NOL4: variants seen among roughly 807,000 people sequenced by gnomAD.
The protein encoded by NOL4 is nucleolar protein 4, also known as cancer/testis antigen 125.
Under a neutral mutation model 75.9 loss-of-function variants are expected in NOL4, and 17 were observed. The ratio of observed to expected loss-of-function variants is 0.22; its 90% CI spans 0.15 to 0.34. The LOEUF is 0.34. Among genes scored for constraint, NOL4 ranks in the 10% least tolerant of loss-of-function variants. The pLI is 1.00. For missense variants in NOL4, 614 were observed against 793.5 expected (o/e 0.77, Z 2.72); for synonymous variants, 292 against 289.9 (o/e 1.01, Z -0.07).
At chr18:34,145,552 T>G (rs1343865892) in intron 1 of NOL4, among the ~76,000 whole-genome samples, 2 of 151,818 alleles carry the variant, frequency 1.3e-5, no homozygotes, top group Non-Finnish European at 2.9e-5. Flanking sequence ...AATAATCTAA[T>G]TTTCACAAAT....
At position 33,986,657 on chromosome 18, in the gene NOL4, G is replaced by A. The variant is rs11877377; in HGVS notation, c.1057-28239C>T. 2.1e-3 allele frequency among the ~76,000 whole-genome samples: 325 copies of A among 152,228 alleles called. 5 individuals are homozygous for A. The highest frequency in any genetic ancestry group is 7.3e-3 in the African/African-American group (304 of 41,550). On this transcript the variant is annotated intron_variant, in intron 6 of 10. Transcript: ENST00000261592. ...TCGGGGGACTACTGTAGAGTCACTGGAAAGAATTACCTGCCAGAATGCAAA... is the reference window on the plus strand; with the variant it reads ...TCGGGGGACTACTGTAGAGTCACTGAAAAGAATTACCTGCCAGAATGCAAA...
chr18:33,963,885 G>A (rs867137558), intron 6 of NOL4, among the ~76,000 whole-genome samples: 2 of 152,152 alleles, frequency 1.3e-5, no homozygotes, highest in African/African-American at 4.8e-5. Flanking sequence ...GGCTCAGATA[G>A]CAACACCACA....
intron 5 of NOL4, among the ~76,000 whole-genome samples, chr18:34,045,755 C>T: frequency 6.6e-6 from 1 of 152,134 alleles, no homozygotes; most frequent in East Asian, 1.9e-4. Flanking sequence ...TTTAACAGTC[C>T]TCTAAAGTGG....
intron 5 of NOL4, among the ~76,000 whole-genome samples, chr18:34,055,381 A>T (rs1231751617): frequency 6.6e-6 from 1 of 152,140 alleles, no homozygotes; most frequent in Non-Finnish European, 1.5e-5. Flanking sequence ...TGGCTGTAGT[A>T]TTCTTGGTTG....
intron 10 of NOL4, among the ~76,000 whole-genome samples, chr18:33,864,953 A>G (rs2063359138): frequency 6.6e-6 from 1 of 152,156 alleles, no homozygotes; most frequent in South Asian, 2.1e-4. Context: ...CTTCATGAGA[A>G]CAGCATGAGG....
rs139625263 is a variant in NOL4, at chr18:34,034,058, A to C, written c.773-14457T>G. ...AAATGCTCAAGGCAGTCTTCAACCCAAAAGCGAAAGGACAGCATTTACCAT... is the reference window on the plus strand; with the variant it reads ...AAATGCTCAAGGCAGTCTTCAACCCCAAAGCGAAAGGACAGCATTTACCAT... On this transcript the variant is annotated intron_variant, in intron 5 of 10. Transcript: ENST00000261592. Among the ~76,000 whole-genome samples the C allele has an allele frequency of 3.2e-3, 493 of 152,318 alleles. 5 individuals are homozygous for C. The highest frequency in any genetic ancestry group is 0.011 in the African/African-American group (475 of 41,576).
intron 1 of NOL4, among the ~76,000 whole-genome samples, chr18:34,190,017 T>G (rs962718599): frequency 6.7e-6 from 1 of 149,916 alleles, no homozygotes; most frequent in Non-Finnish European, 1.5e-5. Context: ...ATATAGCTTG[T>G]TATATATATA....
intron 9 of NOL4, among the ~76,000 whole-genome samples, chr18:33,908,152 A>G (rs2066176033): frequency 6.6e-6 from 1 of 152,218 alleles, no homozygotes; most frequent in African/African-American, 2.4e-5. Flanking sequence ...CATTTTTCAC[A>G]GGAGTCAGTT....
intron 1 of NOL4, among the ~76,000 whole-genome samples, chr18:34,134,010 G>A (rs1216053678): frequency 6.6e-6 from 1 of 152,110 alleles, no homozygotes; most frequent in African/African-American, 2.4e-5. Flanking sequence ...GCCACAGAGT[G>A]AGACTTCGCC....
chr18:34,095,993 T>G (rs1412166607), intron 4 of NOL4, among the ~76,000 whole-genome samples: 2 of 152,044 alleles, frequency 1.3e-5, no homozygotes, highest in Non-Finnish European at 2.9e-5. Flanking sequence ...TATTTATGTT[T>G]AAAGAAGAGC....
intron 9 of NOL4, among the ~76,000 whole-genome samples, chr18:33,912,332 A>C (rs1043474075): frequency 6.6e-6 from 1 of 152,096 alleles, no homozygotes; most frequent in Non-Finnish European, 1.5e-5. Flanking sequence ...TCAATTTTCC[A>C]TATCAAAAGG....
At chr18:33,956,024 G>A (rs886435207) in intron 8 of NOL4, among the ~76,000 whole-genome samples, 3 of 152,064 alleles carry the variant, frequency 2.0e-5, no homozygotes, top group Admixed American at 6.6e-5. Flanking sequence ...TGGTGAAAGA[G>A]TCTCATAATG....
At chr18:34,068,229 T>C (rs2077363446) in intron 5 of NOL4, among the ~76,000 whole-genome samples, 1 of 151,986 alleles carries the variant, frequency 6.6e-6, no homozygotes, top group Non-Finnish European at 1.5e-5. Context: ...TAGGTGACAG[T>C]TCACTGTGGC....
Position 34,163,259 on chromosome 18 carries a change from G to A in NOL4, c.265-33239C>T, listed in dbSNP as rs577297759. Among the ~76,000 whole-genome samples, 9 of 151,998 alleles carry A rather than the reference G, an allele frequency of 5.9e-5. No homozygotes were observed. In the South Asian group the frequency reaches 1.5e-3, roughly 25 times the overall value. On this transcript the variant is annotated intron_variant, in intron 1 of 10. Coordinates refer to ENST00000261592, the MANE Select transcript of NOL4 (RefSeq NM_003787.5). Reference sequence around the variant, plus strand: ...TGGCCAGGGCAATTAGGCAGGCGAAGGAAATAAAGGGTATTCAATTAGGAA... The same window carrying A: ...TGGCCAGGGCAATTAGGCAGGCGAAAGAAATAAAGGGTATTCAATTAGGAA...
At chr18:33,946,069 A>G (rs571576468) in intron 8 of NOL4, among the ~76,000 whole-genome samples, 2 of 151,890 alleles carry the variant, frequency 1.3e-5, no homozygotes, top group South Asian at 4.1e-4. Context: ...ATTGTTTTCA[A>G]CTAAAAAAAT....
intron 9 of NOL4, among the ~76,000 whole-genome samples, chr18:33,938,035 A>G (rs1739289648): frequency 6.6e-6 from 1 of 152,116 alleles, no homozygotes; most frequent in Non-Finnish European, 1.5e-5. Context: ...TGTTTGTTCT[A>G]GGCTATGGGT....
At chr18:34,086,514 G>A (rs886531257) in intron 5 of NOL4, among the ~76,000 whole-genome samples, 1 of 152,048 alleles carries the variant, frequency 6.6e-6, no homozygotes, top group Non-Finnish European at 1.5e-5. Context: ...TTCCTATTCA[G>A]TATACTGTTT....
At chr18:34,007,692 C>T (rs1023077540) in intron 6 of NOL4, among the ~76,000 whole-genome samples, 2 of 151,972 alleles carry the variant, frequency 1.3e-5, no homozygotes, top group Admixed American at 1.3e-4. Context: ...TTTACATCAT[C>T]ATATTTAAGC....
intron 10 of NOL4, among the ~76,000 whole-genome samples, chr18:33,858,335 T>C (rs1354830842): frequency 1.3e-5 from 2 of 152,056 alleles, no homozygotes; most frequent in African/African-American, 2.4e-5. Context: ...ATTTTTGTGA[T>C]CAGATGTTTA....
Sources: gnomAD v4.1 joint callset for allele counts (sites outside exome capture counted in the v4.1 genomes callset) on GRCh38, gnomAD v4.1.1 for gene constraint, MANE v1.5 for transcripts, NCBI Gene and HGNC (gene_info 2026-07-23, HGNC 2026-07-21) for gene names.